Variants in KAZN observed in about 807,000 individuals in gnomAD.
The protein encoded by KAZN is kazrin.
A neutral mutation model predicts 87.4 loss-of-function variants in KAZN; 40 were observed. The observed-to-expected ratio is 0.46, with a 90% CI of 0.36 to 0.60. The LOEUF is 0.60. KAZN is among the 20% of genes least tolerant of loss of function. The pLI is 0.00. For missense variants in KAZN, 898 were observed against 1,073.9 expected, an observed-to-expected ratio of 0.84 and a Z score of 2.29; for synonymous variants, 466 against 458.3, an observed-to-expected ratio of 1.02 and a Z score of -0.22.
intron 2 of KAZN, among the ~76,000 whole-genome samples, chr1:14,470,006 G>A (rs868582000): frequency 6.6e-5 from 10 of 152,168 alleles, no homozygotes; most frequent in African/African-American, 1.9e-4. Flanking sequence ...TATTAGGAGG[G>A]AGTAAGTGAG....
At chr1:14,739,847 C>G (rs763490317) in intron 1 of KAZN, among the ~76,000 whole-genome samples, 2 of 152,114 alleles carry the variant, frequency 1.3e-5, no homozygotes, top group Non-Finnish European at 2.9e-5. Context: ...AGGAATTCAT[C>G]TGCACCCTTC....
chr1:14,884,183 G>A (rs1336037632), intron 1 of KAZN, among the ~76,000 whole-genome samples: 2 of 152,088 alleles, frequency 1.3e-5, no homozygotes, highest in Admixed American at 6.5e-5. Flanking sequence ...CACGAGGCCG[G>A]GTGATCGAGA....
At chr1:14,383,433 G>T (rs1661555394) in intron 2 of KAZN, among the ~76,000 whole-genome samples, 1 of 152,014 alleles carries the variant, frequency 6.6e-6, no homozygotes. Flanking sequence ...TTCTTCTAGG[G>T]TTTTTATGGT....
At chr1:14,072,610 G>A (rs111495359) in intron 1 of KAZN, among the ~76,000 whole-genome samples, 27 of 152,278 alleles carry the variant, frequency 1.8e-4, no homozygotes, top group African/African-American at 6.5e-4. Flanking sequence ...GAAAGCCCTG[G>A]TATCCTTCCA....
At chr1:15,098,716 C>T (rs1162306849) in intron 10 of KAZN, among the ~76,000 whole-genome samples, 1 of 152,210 alleles carries the variant, frequency 6.6e-6, no homozygotes, top group Non-Finnish European at 1.5e-5. Context: ...ACCTTTTCAT[C>T]CTAGAAGGGA....
intron 1 of KAZN, among the ~76,000 whole-genome samples, chr1:14,751,692 G>T (rs1644416446): frequency 6.6e-6 from 1 of 152,100 alleles, no homozygotes; most frequent in Non-Finnish European, 1.5e-5. Flanking sequence ...TGAGTCCAGG[G>T]GTTGCTGAGC....
Position 15,013,165 on chromosome 1 carries a change from C to T in KAZN, c.419-21584C>T, listed in dbSNP as rs561509339. On this transcript the variant is annotated intron_variant, in intron 2 of 14. Coordinates refer to ENST00000376030, the MANE Select transcript of KAZN (RefSeq NM_201628.3). ...TCCTGTAGACTCCTCTGCCTTCTGG[C>T]CTCTGCACCTGTACACGCCTCCACT... Among the ~76,000 whole-genome samples the T allele has an allele frequency of 4.6e-5, 7 of 152,342 alleles. No homozygotes were observed. The South Asian group carries it at 1.2e-3, about 27-fold the overall frequency.
chr1:14,435,400 C>T (rs986102755), intron 2 of KAZN, among the ~76,000 whole-genome samples: 8 of 152,334 alleles, frequency 5.3e-5, no homozygotes, highest in Middle Eastern at 3.4e-3. Flanking sequence ...TCAGGAGCCA[C>T]CCTCAGCCAA....
chr1:14,294,878 C>T (rs1252544104), intron 2 of KAZN, among the ~76,000 whole-genome samples: 3 of 151,410 alleles, frequency 2.0e-5, no homozygotes, highest in East Asian at 2.0e-4. Context: ...AATCATAACT[C>T]CTTGGCCAAG....
At chr1:14,047,743 C>T (rs1474499700) in intron 1 of KAZN, among the ~76,000 whole-genome samples, 1 of 152,070 alleles carries the variant, frequency 6.6e-6, no homozygotes, top group East Asian at 1.9e-4. Flanking sequence ...TGGCACACAC[C>T]TGTAATCCCA....
At chr1:14,295,938 A>C (rs1654079205) in intron 2 of KAZN, among the ~76,000 whole-genome samples, 1 of 152,178 alleles carries the variant, frequency 6.6e-6, no homozygotes, top group Non-Finnish European at 1.5e-5. Flanking sequence ...CACCCAGCGC[A>C]CTGTGGATTG....
chr1:14,196,289 A>C (rs1209868609), intron 2 of KAZN, among the ~76,000 whole-genome samples: 1 of 152,226 alleles, frequency 6.6e-6, no homozygotes, highest in Non-Finnish European at 1.5e-5. Context: ...GATTTCAAAC[A>C]AAGGAATGAT....
intron 1 of KAZN, among the ~76,000 whole-genome samples, chr1:14,152,043 T>G (rs980491090): frequency 6.6e-6 from 1 of 152,258 alleles, no homozygotes; most frequent in Non-Finnish European, 1.5e-5. Context: ...TTTTAATTTT[T>G]GTGGGTACGT....
At chr1:14,719,849 A>G (rs1407272689) in intron 1 of KAZN, among the ~76,000 whole-genome samples, 1 of 152,316 alleles carries the variant, frequency 6.6e-6, no homozygotes, top group East Asian at 1.9e-4. Context: ...AGAAAACATA[A>G]TGAGAAAAAA....
At chr1:14,234,982 CT>C (rs1648265097) in intron 2 of KAZN, among the ~76,000 whole-genome samples, 7 of 152,180 alleles carry the variant, frequency 4.6e-5, no homozygotes, top group Admixed American at 4.6e-4. Context: ...TTGGTAGCTC[CT>C]GAAAATGTTA....
intron 1 of KAZN, among the ~76,000 whole-genome samples, chr1:14,146,536 C>CAAAAAAAAAAAAAAAAAAAAAA (rs55928646): frequency 2.0e-4 from 13 of 63,488 alleles, no homozygotes; most frequent in African/African-American, 3.3e-4. Flanking sequence ...AACTCCATCT[C>CAAAAAAAAAAAAAAAAAAAAAA]AAAAAAAAAA....
chr1:14,904,049 A>G lies in KAZN; in HGVS notation c.227-56635A>G, dbSNP rs141026078. Among the ~76,000 whole-genome samples the G allele has an allele frequency of 2.9e-3, 449 of 152,234 alleles. 3 individuals are homozygous for G. The highest frequency in any genetic ancestry group is 9.9e-3 in the African/African-American group (411 of 41,546). On this transcript the variant is annotated intron_variant, in intron 1 of 14. Transcript: ENST00000376030. The stretch of plus-strand genomic sequence containing the variant: ...TAGACCAGGGGACGTTCACTGGTCA[A>G]CGGGTTGGTTAGTCACCTGATTAGC...
chr1:14,057,395 AG>A (rs1388036496), intron 1 of KAZN, among the ~76,000 whole-genome samples: 1 of 152,130 alleles, frequency 6.6e-6, no homozygotes, highest in Non-Finnish European at 1.5e-5. Context: ...GGCCTCCCAA[AG>A]TGCTGGGATT....
intron 1 of KAZN, among the ~76,000 whole-genome samples, chr1:14,604,103 G>A (rs940931507): frequency 6.6e-6 from 1 of 152,134 alleles, no homozygotes. Flanking sequence ...TCTGCCTGCT[G>A]AGCCCAGAGA....
Sources: allele counts gnomAD v4.1 joint callset (sites outside exome capture counted in the v4.1 genomes callset), GRCh38; gene constraint gnomAD v4.1.1; transcripts MANE v1.5; gene names NCBI Gene and HGNC (gene_info 2026-07-23, HGNC 2026-07-21).